The following DNAH8 variants were observed in gnomAD, a reference collection of about 807,000 sequenced individuals.
DNAH8 encodes the protein dynein axonemal heavy chain 8.
In DNAH8, 382 loss-of-function variants were observed where a neutral mutation model predicts 562.1. The observed-to-expected ratio is 0.68, with a 90% CI of 0.63 to 0.74. DNAH8 has a LOEUF of 0.74. Ranked by LOEUF, DNAH8 falls within the 30% of genes least tolerant of loss-of-function variation. The pLI is 0.00. For synonymous variants in DNAH8, 1,881 were observed against 1,919.4 expected (o/e 0.98, Z 0.52); for missense variants, 5,203 against 5,620.4 (o/e 0.93, Z 2.37).
rs145894626 is a variant in DNAH8, at chr6:38,875,829, G to C, written c.7858+1G>C. Reference sequence around the variant, plus strand: ...TATGAGTTTTATGTTACTGATTATGGTAAGCCCACTGAACTATACCTTAAA... The same window carrying C: ...TATGAGTTTTATGTTACTGATTATGCTAAGCCCACTGAACTATACCTTAAA... On this transcript the variant is annotated splice_donor_variant, in intron 53 of 92. Transcript: ENST00000327475. LOFTEE classifies it high-confidence loss of function. 1.3e-6 allele frequency: 2 copies of C among 1,592,818 alleles called. No individual in the cohort carries two copies. Among genetic ancestry groups the C allele is most frequent in the African/African-American group, 2.7e-5 (2 of 74,428 alleles).
At chr6:38,778,724 C>G (rs977542651) in intron 14 of DNAH8, among the ~76,000 whole-genome samples, 9 of 152,138 alleles carry the variant, frequency 5.9e-5, no homozygotes, top group African/African-American at 1.7e-4. Flanking sequence ...TCCCTGCCCC[C>G]AGCCATGTCA....
At chr6:38,828,561 A>T (rs1773567407) in intron 30 of DNAH8, among the ~76,000 whole-genome samples, 1 of 152,162 alleles carries the variant, frequency 6.6e-6, no homozygotes, top group South Asian at 2.1e-4. Flanking sequence ...TTTGTAGCCT[A>T]GCAGCAATAG....
In DNAH8 at chr6:38,905,731, G is replaced by A. The variant is rs368593712; in HGVS notation, c.9195-523G>A. ...CTGTTTCTCAGTTCTCAGCTTAAAC[G>A]AAATATTTGTTTTGAATGGTAACAT... On this transcript the variant is annotated intron_variant, in intron 62 of 92. Coordinates refer to ENST00000327475, the MANE Select transcript of DNAH8 (RefSeq NM_001206927.2). Among the ~76,000 whole-genome samples, 34 of 152,220 alleles carry A rather than the reference G, an allele frequency of 2.2e-4. 1 individual carries two copies. Among genetic ancestry groups the A allele is most frequent in the South Asian group, 1.9e-3 (9 of 4,824 alleles).
At chr6:38,741,983 G>A (rs898471041) in intron 8 of DNAH8, 96 bp downstream of exon 8, 8 of 943,948 alleles carry the variant, frequency 8.5e-6, no homozygotes, top group Admixed American at 2.9e-5. Context: ...TACTGGAATC[G>A]TGTTTAGAAG....
chr6:38,771,058 TG>T (rs1289666058), intron 12 of DNAH8, among the ~76,000 whole-genome samples: 2 of 151,880 alleles, frequency 1.3e-5, no homozygotes, highest in Non-Finnish European at 2.9e-5. Flanking sequence ...GACATTTTTT[TG>T]GGGGATATAG....
intron 70 of DNAH8, among the ~76,000 whole-genome samples, chr6:38,918,654 GA>G (rs1335444717): frequency 6.6e-6 from 1 of 152,110 alleles, no homozygotes; most frequent in East Asian, 1.9e-4. Context: ...AGAAGATAAT[GA>G]AAAAACATAT....
Position 38,837,930 on chromosome 6 carries a change from C to A in DNAH8, c.4366-12C>A. 2.5e-6 allele frequency: 4 copies of A among 1,581,798 alleles called. No individual in the cohort carries two copies. The highest frequency in any genetic ancestry group is 3.5e-6 in the Non-Finnish European group (4 of 1,154,960). ...ATTGTATTTTAGTACAATTTAAAAA[C>A]CTTTGTTACAGGCCAGTTTCGATGA... On this transcript the variant is annotated splice_polypyrimidine_tract_variant and intron_variant, in intron 32 of 92. Transcript: ENST00000327475.
rs112086281 is a variant in DNAH8, at chr6:38,790,898, C to T, written c.2781+493C>T. Among the ~76,000 whole-genome samples, 590 of 151,438 alleles carry T rather than the reference C, an allele frequency of 3.9e-3. 9 individuals are homozygous for T. The highest frequency in any genetic ancestry group is 0.014 in the African/African-American group (571 of 41,326). On this transcript the variant is annotated intron_variant, in intron 20 of 92. Coordinates refer to ENST00000327475, the MANE Select transcript of DNAH8 (RefSeq NM_001206927.2). ...GGTCTTCATTTAAGTTTGCTTTATTCTTATCCCTGAATTACCTTGCATTTA... is the reference window on the plus strand; with the variant it reads ...GGTCTTCATTTAAGTTTGCTTTATTTTTATCCCTGAATTACCTTGCATTTA...
chr6:38,846,051 C>T lies in DNAH8; in HGVS notation c.5045+278C>T, dbSNP rs566875017. ...TCTTGTCCTCTGAAGGTCTTGGCTCCCCACTGAGATGACCTCTTCATTTCA... is the reference window on the plus strand; with the variant it reads ...TCTTGTCCTCTGAAGGTCTTGGCTCTCCACTGAGATGACCTCTTCATTTCA... On this transcript the variant is annotated intron_variant, in intron 36 of 92. Transcript: ENST00000327475. Among the ~76,000 whole-genome samples the T allele has an allele frequency of 3.3e-5, 5 of 150,780 alleles. No individual in the cohort carries two copies. The South Asian group carries it at 1.1e-3, about 32-fold the overall frequency.
chr6:38,999,825 T>C (rs1285008475), intron 88 of DNAH8, among the ~76,000 whole-genome samples: 1 of 151,352 alleles, frequency 6.6e-6, no homozygotes, highest in Non-Finnish European at 1.5e-5. Flanking sequence ...TTATATTGTA[T>C]TGTCATATTA....
At chr6:39,024,301 A>G (rs1403609738) in intron 91 of DNAH8, among the ~76,000 whole-genome samples, 1 of 152,220 alleles carries the variant, frequency 6.6e-6, no homozygotes, top group Admixed American at 6.5e-5. Flanking sequence ...TAGATCAGTA[A>G]TGAATCTTAA....
At chr6:38,822,760 G>C (rs1772981967) in intron 26 of DNAH8, 78 bp from the exon 27 acceptor site, 1 of 1,098,056 alleles carries the variant, frequency 9.1e-7, no homozygotes, top group Non-Finnish European at 1.2e-6. Context: ...GTTTGAAAAA[G>C]AATCACAAAT....
At chr6:39,010,816 C>CGT (rs1561973021) in intron 89 of DNAH8, among the ~76,000 whole-genome samples, 10 of 127,140 alleles carry the variant, frequency 7.9e-5, no homozygotes, top group African/African-American at 2.5e-4. Flanking sequence ...CACACACACA[C>CGT]ACACGTATGT....
chr6:38,790,239 G>A, intron 19 of DNAH8, 50 bp from the exon 20 acceptor site: 1 of 941,684 alleles, frequency 1.1e-6, no homozygotes, highest in South Asian at 1.4e-5. Context: ...TTCTATAAGT[G>A]CAGATGCTCC....
chr6:38,761,781 C>A lies in DNAH8; in HGVS notation c.1595C>A (p.Pro532Gln). 2 of 1,560,888 alleles carry A rather than the reference C, an allele frequency of 1.3e-6. No homozygotes were observed. The highest frequency in any genetic ancestry group is 1.2e-5 in the South Asian group (1 of 83,982). ...AACCATGTATGGGATCAGGAAACGC[C>A]AGTTGTACTAAAGAAAATTCAGGTT... ...GLNHVWDQET[P>Q]VVLKKIQDCI... The change falls in exon 11 of 93, where the codon CCA becomes CAA. Residue 532 changes from proline to glutamine, a missense_variant. Transcript: ENST00000327475.
Position 38,781,172 on chromosome 6 carries a change from A to G in DNAH8, c.2140-82A>G, listed in dbSNP as rs78570811. The G allele has an allele frequency of 0.012, 16,993 of 1,461,314 alleles. 820 individuals carry two copies. The East Asian group carries it at 0.13, about 11-fold the overall frequency. 90.5% of individuals were successfully genotyped at this position (1,461,314 alleles called of 1,614,324 possible). A position where few individuals can be genotyped will look rare whatever the true frequency, so the allele number is the denominator to read the frequency against. ...TATATAAAACATGAATAATGATAAA[A>G]CAATACAAATATAGCTGTATATATT... On this transcript the variant is annotated intron_variant, in intron 15 of 92. Transcript: ENST00000327475.
At chr6:38,833,629 T>C (rs931395663) in intron 31 of DNAH8, among the ~76,000 whole-genome samples, 2 of 152,194 alleles carry the variant, frequency 1.3e-5, no homozygotes, top group African/African-American at 4.8e-5. Context: ...CTGGGGACTT[T>C]CCAGCAGAAT....
In DNAH8 at chr6:38,896,349, G is replaced by C. The variant is rs918068339; in HGVS notation, c.8940+124G>C. 2.7e-5 allele frequency: 20 copies of C among 750,782 alleles called. 3 individuals carry two copies. In the Middle Eastern group the frequency reaches 2.7e-3, roughly 101 times the overall value. The allele number at this position is 750,782 out of a possible 1,614,324, so 46.5% of individuals were successfully genotyped here. A position where few individuals can be genotyped will look rare whatever the true frequency, so the allele number is the denominator to read the frequency against. On this transcript the variant is annotated intron_variant, in intron 60 of 92. Coordinates refer to ENST00000327475, the MANE Select transcript of DNAH8 (RefSeq NM_001206927.2). Reference sequence around the variant, plus strand: ...AGCACTTTGGGAGGCTGAGGTGGGAGGATTGCTTGAGCCTGGGAGTTTGAG... The same window carrying C: ...AGCACTTTGGGAGGCTGAGGTGGGACGATTGCTTGAGCCTGGGAGTTTGAG...
chr6:38,872,085 T>C (rs1429519398), intron 49 of DNAH8, among the ~76,000 whole-genome samples: 1 of 152,210 alleles, frequency 6.6e-6, no homozygotes, highest in Admixed American at 6.5e-5. Flanking sequence ...ACAGGAATCC[T>C]CATTCATGAT....
Sources: allele counts gnomAD v4.1 joint callset (sites outside exome capture counted in the v4.1 genomes callset), GRCh38; gene constraint gnomAD v4.1.1; transcripts MANE v1.5; gene names NCBI Gene and HGNC (gene_info 2026-07-23, HGNC 2026-07-21).